Variants in FAM222B observed in about 807,000 individuals in gnomAD.
FAM222B encodes protein FAM222B.
A neutral mutation model predicts 38.0 loss-of-function variants in FAM222B; 12 were observed. That is an observed-to-expected ratio of 0.32 (90% CI 0.20 to 0.51). The LOEUF is 0.51. FAM222B is among the 20% of genes least tolerant of loss of function. The pLI, the probability that FAM222B is intolerant of heterozygous loss-of-function variation, is 0.97. For synonymous variants in FAM222B, 329 were observed against 317.2 expected (o/e 1.04, Z -0.40); for missense variants, 716 against 754.2 (o/e 0.95, Z 0.59).
At chr17:28,848,584 G>A (rs758293173) in intron 1 of FAM222B, among the ~76,000 whole-genome samples, 10 of 151,568 alleles carry the variant, frequency 6.6e-5, no homozygotes, top group Non-Finnish European at 1.0e-4. Context: ...GGTGGTGAAA[G>A]TGTGTCTCTA....
rs1015021681 is a variant in FAM222B at position 28,850,341 on chromosome 17, G to A, written c.-41+4609C>T. On this transcript the variant is annotated intron_variant, in intron 1 of 2. Coordinates refer to the FAM222B transcript ENST00000577513. ...TTTTAAGACAGAGTCTTGCTCTGTCGCCCGGGCTGGAGTGCAGTGGTGCGA... is the reference window on the plus strand; with the variant it reads ...TTTTAAGACAGAGTCTTGCTCTGTCACCCGGGCTGGAGTGCAGTGGTGCGA... Among the ~76,000 whole-genome samples, 12 of 150,720 alleles carry A rather than the reference G, an allele frequency of 8.0e-5. No individual in the cohort carries two copies. The East Asian group carries it at 1.4e-3, about 17-fold the overall frequency.
intron 1 of FAM222B, among the ~76,000 whole-genome samples, chr17:28,799,303 T>G (rs1425256793): frequency 2.1e-5 from 3 of 144,742 alleles, no homozygotes; most frequent in Non-Finnish European, 4.5e-5. Flanking sequence ...AAAACTTTTT[T>G]TTTTTTTTTT....
chr17:28,796,472 G>A (rs1398550019), intron 1 of FAM222B, among the ~76,000 whole-genome samples: 3 of 152,168 alleles, frequency 2.0e-5, no homozygotes, highest in Admixed American at 6.6e-5. Flanking sequence ...CATTAAGGCT[G>A]AGAGTTACTG....
chr17:28,827,153 A>C (rs994342359), intron 1 of FAM222B, among the ~76,000 whole-genome samples: 1 of 151,964 alleles, frequency 6.6e-6, no homozygotes, highest in African/African-American at 2.4e-5. Flanking sequence ...TCAAAAAAAG[A>C]AAAAAACAGC....
chr17:28,770,465 C>T (rs989374606), intron 1 of FAM222B, among the ~76,000 whole-genome samples: 1 of 152,176 alleles, frequency 6.6e-6, no homozygotes, highest in Non-Finnish European at 1.5e-5. Flanking sequence ...TGCAGCAGTG[C>T]CATCTTGGCT....
At chr17:28,835,065 T>TGTGTGTGA (rs1351454161) in intron 1 of FAM222B, among the ~76,000 whole-genome samples, 2 of 128,564 alleles carry the variant, frequency 1.6e-5, no homozygotes, top group Non-Finnish European at 3.4e-5. Context: ...TGTGTGTGTG[T>TGTGTGTGA]GATGGAGTCA....
At chr17:28,794,491 A>T (rs937955876) in intron 1 of FAM222B, among the ~76,000 whole-genome samples, 1 of 152,116 alleles carries the variant, frequency 6.6e-6, no homozygotes, top group African/African-American at 2.4e-5. Flanking sequence ...AAGTGCTGGG[A>T]TTACAGGCAT....
intron 1 of FAM222B, among the ~76,000 whole-genome samples, chr17:28,768,519 G>C (rs1247625963): frequency 6.6e-6 from 1 of 151,844 alleles, no homozygotes; most frequent in African/African-American, 2.4e-5. Flanking sequence ...AACACAGTGA[G>C]CCAACTTCAG....
chr17:28,837,489 C>T (rs984908751), intron 1 of FAM222B, among the ~76,000 whole-genome samples: 2 of 151,442 alleles, frequency 1.3e-5, no homozygotes, highest in East Asian at 3.9e-4. Flanking sequence ...AATCTGATTA[C>T]CCCTCCTTGT....
intron 1 of FAM222B, among the ~76,000 whole-genome samples, chr17:28,811,192 G>A (rs1046809576): frequency 4.6e-5 from 7 of 152,158 alleles, no homozygotes; most frequent in Non-Finnish European, 7.4e-5. Context: ...TGTAATCCCA[G>A]CACTTTGGGA....
chr17:28,840,776 G>A (rs963703362), intron 1 of FAM222B, among the ~76,000 whole-genome samples: 17 of 151,988 alleles, frequency 1.1e-4, no homozygotes, highest in Non-Finnish European at 1.8e-4. Flanking sequence ...GTCCAGCAAT[G>A]GAGAAACCCC....
At chr17:28,829,625 T>A (rs2152608046) in intron 1 of FAM222B, among the ~76,000 whole-genome samples, 1 of 152,334 alleles carries the variant, frequency 6.6e-6, no homozygotes, top group South Asian at 2.1e-4. Context: ...CCAATGAGTT[T>A]CATTCATGTT....
At chr17:28,851,205 G>A (rs1721783464) in intron 1 of FAM222B, among the ~76,000 whole-genome samples, 2 of 151,918 alleles carry the variant, frequency 1.3e-5, no homozygotes, top group African/African-American at 4.8e-5. Flanking sequence ...GGAGGTCAAA[G>A]CAGATGGCTT....
chr17:28,819,619 C>T (rs1354300307), intron 1 of FAM222B, among the ~76,000 whole-genome samples: 1 of 152,072 alleles, frequency 6.6e-6, no homozygotes, highest in Non-Finnish European at 1.5e-5. Context: ...AGGAAGGAAA[C>T]TATTCAATAT....
intron 1 of FAM222B, among the ~76,000 whole-genome samples, chr17:28,807,767 C>A (rs1056423573): frequency 7.9e-5 from 12 of 152,136 alleles, no homozygotes; most frequent in African/African-American, 2.4e-4. Flanking sequence ...CTTCTAAGAT[C>A]TGACTAAACA....
chr17:28,839,505 C>G (rs1252712592), intron 1 of FAM222B, among the ~76,000 whole-genome samples: 4 of 152,162 alleles, frequency 2.6e-5, no homozygotes, highest in African/African-American at 9.6e-5. Context: ...TTTAACATAA[C>G]ATGGGTGGCA....
At chr17:28,853,806 C>T (rs1262302808) in intron 1 of FAM222B, among the ~76,000 whole-genome samples, 3 of 152,018 alleles carry the variant, frequency 2.0e-5, no homozygotes, top group African/African-American at 7.2e-5. Context: ...ACTGGAAGAT[C>T]GCTTGAACCC....
At chr17:28,839,557 G>A (rs1434552146) in intron 1 of FAM222B, among the ~76,000 whole-genome samples, 1 of 151,970 alleles carries the variant, frequency 6.6e-6, no homozygotes, top group Non-Finnish European at 1.5e-5. Flanking sequence ...CCAGTAGGGG[G>A]AAAAATGCAT....
chr17:28,791,438 T>C (rs1339896247), intron 1 of FAM222B, among the ~76,000 whole-genome samples: 1 of 152,084 alleles, frequency 6.6e-6, no homozygotes, highest in East Asian at 1.9e-4. Flanking sequence ...TTGAATAACA[T>C]TTTCTCCAGT....
Sources: allele counts gnomAD v4.1 joint callset (sites outside exome capture counted in the v4.1 genomes callset), GRCh38; gene constraint gnomAD v4.1.1; transcripts MANE v1.5; gene names NCBI Gene and HGNC (gene_info 2026-07-23, HGNC 2026-07-21).